The following APCDD1 variants were observed in gnomAD, a reference collection of about 807,000 sequenced individuals.
APCDD1 encodes the protein protein APCDD1.
A neutral mutation model predicts 38.1 loss-of-function variants in APCDD1; 15 were observed. That is an observed-to-expected ratio of 0.39 (90% CI 0.26 to 0.61). The LOEUF (loss-of-function observed/expected upper bound fraction) is 0.61, where lower values mean the gene tolerates loss of function less well. Ranked by LOEUF, APCDD1 falls within the 20% of genes least tolerant of loss-of-function variation. The pLI, the probability that APCDD1 is intolerant of heterozygous loss-of-function variation, is 0.49. For missense variants in APCDD1, 647 were observed against 696.2 expected (o/e 0.93, Z 0.79); for synonymous variants, 261 against 279.7 (o/e 0.93, Z 0.67).
chr18:10,458,434 C>T (rs950931627), intron 1 of APCDD1, among the ~76,000 whole-genome samples: 1 of 152,198 alleles, frequency 6.6e-6, no homozygotes. Flanking sequence ...TTACTAAGGA[C>T]AGTTTTTGTG....
chr18:10,474,459 G>T (rs898560161), intron 3 of APCDD1, among the ~76,000 whole-genome samples: 13 of 152,216 alleles, frequency 8.5e-5, no homozygotes, highest in Non-Finnish European at 1.6e-4. Flanking sequence ...TGCGAGGTCT[G>T]AGTGAGGAGG....
intron 1 of APCDD1, among the ~76,000 whole-genome samples, chr18:10,459,445 T>C (rs547993239): frequency 6.6e-5 from 10 of 152,370 alleles, no homozygotes; most frequent in African/African-American, 2.4e-4. Flanking sequence ...CTGAGGACTA[T>C]GGCACTATAA....
At chr18:10,483,221 A>AT (rs2031178859) in intron 3 of APCDD1, among the ~76,000 whole-genome samples, 2 of 152,220 alleles carry the variant, frequency 1.3e-5, no homozygotes, top group African/African-American at 4.8e-5. Flanking sequence ...GCTCTGGCCT[A>AT]ATGGGCCTCA....
At chr18:10,468,444 C>G (rs751520081) in intron 1 of APCDD1, 25 bp from the exon 2 acceptor site, 2 of 1,613,806 alleles carry the variant, frequency 1.2e-6, no homozygotes, top group African/African-American at 2.7e-5. Flanking sequence ...CTTCTTTTGG[C>G]TAACTTTCCA....
chr18:10,465,601 A>G (rs569277086), intron 1 of APCDD1, among the ~76,000 whole-genome samples: 7 of 152,364 alleles, frequency 4.6e-5, no homozygotes, highest in East Asian at 3.9e-4. Context: ...CCCAAAAAAT[A>G]TAAGGCATTG....
intron 1 of APCDD1, among the ~76,000 whole-genome samples, chr18:10,461,964 C>G (rs778101267): frequency 2.0e-5 from 3 of 152,210 alleles, no homozygotes; most frequent in Non-Finnish European, 4.4e-5. Flanking sequence ...AGTGTTGTTA[C>G]GTGTTCATTC....
chr18:10,469,252 C>T lies in APCDD1; in HGVS notation c.242+600C>T, dbSNP rs1362804931. On this transcript the variant is annotated intron_variant, in intron 2 of 4. Transcript: ENST00000355285. The surrounding 1 kb of genome is among the most constrained non-coding windows in gnomAD (Gnocchi z 5.5). ...TACCCATTAGATTGCTGAGAATTAA[C>T]AAGACTAACTCTGGGATCTGATCAC... Among the ~76,000 whole-genome samples the T allele has an allele frequency of 1.3e-5, 2 of 152,132 alleles. No homozygotes were observed. The highest frequency in any genetic ancestry group is 2.1e-4 in the South Asian group (1 of 4,810).
chr18:10,468,011 T>C (rs1726580922), intron 1 of APCDD1, among the ~76,000 whole-genome samples: 1 of 152,188 alleles, frequency 6.6e-6, no homozygotes, highest in African/African-American at 2.4e-5. Flanking sequence ...AATCTGTCAT[T>C]GTGTAAATTC....
rs369975485 is a variant in APCDD1, at chr18:10,471,617, T to C, written c.330T>C (p.Tyr110=). The stretch of plus-strand genomic sequence containing the variant: ...CCTTCAAGGCCTACCAATTTTATTA[T>C]GGCAGCAACCGGTGCACAAATCCCA... ...NNTFKAYQFY[Y]GSNRCTNPTY... is the part of the protein sequence containing the mutation. Residue 110 remains tyrosine, a synonymous_variant, in exon 3 of 5, where the codon TAT becomes TAC. Transcript: ENST00000355285. This position sits in a 1 kb window ranked among gnomAD's most constrained non-coding sequence, Gnocchi z 5.5. 55 of 1,614,096 alleles carry C rather than the reference T, an allele frequency of 3.4e-5. 1 individual carries two copies. The highest frequency in any genetic ancestry group is 1.4e-4 in the South Asian group (13 of 91,090).
At chr18:10,460,550 A>C (rs2030513442) in intron 1 of APCDD1, among the ~76,000 whole-genome samples, 1 of 151,858 alleles carries the variant, frequency 6.6e-6, no homozygotes. Context: ...AAAAAACAAA[A>C]AACAAACAAG....
intron 4 of APCDD1, among the ~76,000 whole-genome samples, chr18:10,486,188 TA>T (rs938903352): frequency 6.6e-6 from 1 of 151,948 alleles, no homozygotes; most frequent in African/African-American, 2.4e-5. Flanking sequence ...CCTAACTCTA[TA>T]AAAAAATAAA....
At position 10,478,128 on chromosome 18, in the gene APCDD1, C is replaced by T. The variant is rs140304023; in HGVS notation, c.774+6067C>T. Among the ~76,000 whole-genome samples the T allele has an allele frequency of 2.1e-3, 320 of 152,306 alleles. 2 individuals are homozygous for T. The highest frequency in any genetic ancestry group is 3.4e-3 in the Non-Finnish European group (234 of 68,030). On this transcript the variant is annotated intron_variant, in intron 3 of 4. Coordinates refer to ENST00000355285, the MANE Select transcript of APCDD1 (RefSeq NM_153000.5). ...TGCAGAAGTGTTTGGTTGAGTTTTG[C>T]TCCCCTCTGCTTCATAGCCAACTAC...
intron 3 of APCDD1, among the ~76,000 whole-genome samples, chr18:10,481,212 C>G (rs2143555656): frequency 6.6e-6 from 1 of 152,236 alleles, no homozygotes; most frequent in Non-Finnish European, 1.5e-5. Context: ...GGTACATACC[C>G]AAAAGAATTA....
rs1172537615 is a variant in APCDD1 at position 10,471,539 on chromosome 18, A to G, written c.252A>G (p.Val84=). 2 of 1,614,108 alleles carry G rather than the reference A, an allele frequency of 1.2e-6. No individual in the cohort carries two copies. The highest frequency in any genetic ancestry group is 1.7e-6 in the Non-Finnish European group (2 of 1,180,042). ...EGHWVSTGCE[V]RSGPEFITRS... is the part of the protein sequence containing the mutation. ...CCCTTTTCTTGCCCAGCTGTGAAGT[A>G]AGGTCAGGCCCAGAGTTCATCACAA... Residue 84 remains valine, a synonymous_variant, in exon 3 of 5, where the codon GTA becomes GTG. Transcript: ENST00000355285. This position sits in a 1 kb window ranked among gnomAD's most constrained non-coding sequence, Gnocchi z 5.5.
chr18:10,472,537 C>T lies in APCDD1; in HGVS notation c.774+476C>T, dbSNP rs948931526. ...GATTTGTGTGGGGTGTTAGACTCCA[C>T]GGAGACTGTCCACCAGAGTCACCCT... On this transcript the variant is annotated intron_variant, in intron 3 of 4. Transcript: ENST00000355285. This position sits in a 1 kb window ranked among gnomAD's most constrained non-coding sequence, Gnocchi z 6.6. Among the ~76,000 whole-genome samples, 7 of 152,242 alleles carry T rather than the reference C, an allele frequency of 4.6e-5. No homozygotes were observed. In the East Asian group the frequency reaches 7.7e-4, roughly 17 times the overall value.
chr18:10,484,509 T>C (rs1353491897), intron 3 of APCDD1, among the ~76,000 whole-genome samples: 1 of 152,166 alleles, frequency 6.6e-6, no homozygotes. Flanking sequence ...TTCATGTTAT[T>C]ATACAACCAT....
chr18:10,471,564 A>C lies in APCDD1; in HGVS notation c.277A>C (p.Arg93=). The change falls in exon 3 of 5, where the codon AGG becomes CGG. Residue 93 remains arginine (R), a synonymous_variant. Coordinates refer to ENST00000355285, the MANE Select transcript of APCDD1 (RefSeq NM_153000.5). The surrounding 1 kb of genome is among the most constrained non-coding windows in gnomAD (Gnocchi z 5.5). The part of the protein sequence containing the change: ...EVRSGPEFIT[R]SYRFYHNNTF... ...AAGGTCAGGCCCAGAGTTCATCACAAGGTCCTACAGATTCTACCACAATAA... is the reference window on the plus strand; with the variant it reads ...AAGGTCAGGCCCAGAGTTCATCACACGGTCCTACAGATTCTACCACAATAA... 1 of 1,614,218 alleles carries C rather than the reference A, an allele frequency of 6.2e-7. No homozygotes were observed. Among genetic ancestry groups the C allele is most frequent in the Non-Finnish European group, 8.5e-7 (1 of 1,180,036 alleles).
chr18:10,454,818 C>T lies in APCDD1; in HGVS notation c.-164C>T. On this transcript the variant is annotated 5_prime_UTR_variant, in exon 1 of 5. Transcript: ENST00000355285. Reference sequence around the variant, plus strand: ...CGGCGCCCAGAGAGCGCGCGCCCCGCAGCCCCGCGCCTAGCCCGCCGGGCA... The same window carrying T: ...CGGCGCCCAGAGAGCGCGCGCCCCGTAGCCCCGCGCCTAGCCCGCCGGGCA... 2.0e-6 allele frequency: 2 copies of T among 987,470 alleles called. No homozygotes were observed. The highest frequency in any genetic ancestry group is 2.4e-6 in the Non-Finnish European group (2 of 832,946). The allele number at this position is 987,470 out of a possible 1,614,324, so 61.2% of individuals were successfully genotyped here. A position where few individuals can be genotyped will look rare whatever the true frequency, so the allele number is the denominator to read the frequency against.
Position 10,471,656 on chromosome 18 carries a change from C to T in APCDD1, c.369C>T (p.Ile123=), listed in dbSNP as rs751927102. The T allele has an allele frequency of 1.2e-6, 2 of 1,614,208 alleles. No homozygotes were observed. Among genetic ancestry groups the T allele is most frequent in the African/African-American group, 2.7e-5 (2 of 75,068 alleles). Residue 123 remains isoleucine (I), a synonymous_variant, in exon 3 of 5, where the codon ATC becomes ATT. Coordinates refer to ENST00000355285, the MANE Select transcript of APCDD1 (RefSeq NM_153000.5). The surrounding 1 kb of genome is among the most constrained non-coding windows in gnomAD (Gnocchi z 5.5). The part of the protein sequence containing the change: ...NRCTNPTYTL[I]IRGKIRLRQA... ...GCACAAATCCCACTTATACTCTCAT[C>T]ATCCGGGGCAAGATCCGCCTCCGCC...
Sources: allele counts gnomAD v4.1 joint callset (sites outside exome capture counted in the v4.1 genomes callset), GRCh38; gene constraint gnomAD v4.1.1; non-coding constraint Gnocchi (gnomAD v3.1); transcripts MANE v1.5; gene names NCBI Gene and HGNC (gene_info 2026-07-23, HGNC 2026-07-21).